TP53BP1: variants seen among roughly 807,000 people sequenced by gnomAD.
TP53BP1 encodes TP53-binding protein 1.
In TP53BP1, 61 loss-of-function variants were observed where a neutral mutation model predicts 200.8. The observed-to-expected ratio is 0.30, with a 90% confidence interval of 0.25 to 0.38. The LOEUF (loss-of-function observed/expected upper bound fraction) is 0.38. Among genes scored for constraint, TP53BP1 ranks in the 10% least tolerant of loss-of-function variants. TP53BP1 has a pLI of 1.00. For synonymous variants in TP53BP1, 822 were observed against 844.3 expected, an observed-to-expected ratio of 0.97 and a Z score of 0.46; for missense variants, 2,144 against 2,371.9, an observed-to-expected ratio of 0.90 and a Z score of 2.00.
chr15:43,443,401 A>G (rs1003116291), intron 14 of TP53BP1, among the ~76,000 whole-genome samples: 2 of 152,144 alleles, frequency 1.3e-5, no homozygotes, highest in African/African-American at 4.8e-5. Flanking sequence ...CACTTCAAAA[A>G]CAAAGGGTGG....
intron 8 of TP53BP1, among the ~76,000 whole-genome samples, chr15:43,476,462 A>G (rs779271799): frequency 6.6e-6 from 1 of 152,202 alleles, no homozygotes; most frequent in Non-Finnish European, 1.5e-5. Context: ...GATGTTATAA[A>G]TGCAGCAGTT....
At chr15:43,427,957 CAAAAAA>C (rs35437737) in intron 18 of TP53BP1, 53 bp downstream of exon 18, 26 of 1,000,402 alleles carry the variant, frequency 2.6e-5, no homozygotes, top group South Asian at 6.3e-5. Context: ...ACCCTGTCTC[CAAAAAA>C]AAAAAAAAAA....
intron 18 of TP53BP1, among the ~76,000 whole-genome samples, chr15:43,424,891 A>T (rs1386582122): frequency 6.6e-6 from 1 of 152,240 alleles, no homozygotes; most frequent in Non-Finnish European, 1.5e-5. Context: ...TGATTGAGTC[A>T]TAAGGGCTCT....
upstream of TP53BP1, among the ~76,000 whole-genome samples, chr15:43,494,554 G>A (rs1395316293): frequency 6.6e-6 from 1 of 152,200 alleles, no homozygotes; most frequent in Non-Finnish European, 1.5e-5. Context: ...GGACCACACA[G>A]AGATGCATCT....
intron 1 of TP53BP1, 117 bp downstream of exon 1, chr15:43,492,920 C>G (rs1445904901): frequency 7.5e-7 from 1 of 1,336,248 alleles, no homozygotes; most frequent in Non-Finnish European, 1.0e-6. Flanking sequence ...CCCTCCAACC[C>G]CTTCCCCGTC....
At chr15:43,428,620 T>C (rs2045603534) in intron 17 of TP53BP1, among the ~76,000 whole-genome samples, 2 of 152,224 alleles carry the variant, frequency 1.3e-5, no homozygotes, top group Non-Finnish European at 1.5e-5. Flanking sequence ...TTAATCTCAG[T>C]TTATCTGTTT....
In TP53BP1 at chr15:43,446,643, C is replaced by T. The variant is rs1345430592; in HGVS notation, c.2837-53G>A. The T allele has an allele frequency of 2.5e-6, 4 of 1,586,106 alleles. No homozygotes were observed. In the Admixed American group the frequency reaches 5.2e-5, roughly 21 times the overall value. Reference sequence around the variant, plus strand: ...AAAAAAGAACACTAAAATACAAACACAAAAAACAGCAATTCAAGGTCATCA... The same window carrying T: ...AAAAAAGAACACTAAAATACAAACATAAAAAACAGCAATTCAAGGTCATCA... On this transcript the variant is annotated intron_variant, in intron 13 of 27. Transcript: ENST00000382044.
At chr15:43,422,796 C>A (rs914015102) in intron 18 of TP53BP1, among the ~76,000 whole-genome samples, 2 of 151,978 alleles carry the variant, frequency 1.3e-5, no homozygotes, top group African/African-American at 4.8e-5. Context: ...GAGCTTGAGA[C>A]CACCTTAGGC....
At chr15:43,450,037 T>G (rs924188996) in intron 12 of TP53BP1, among the ~76,000 whole-genome samples, 1 of 152,232 alleles carries the variant, frequency 6.6e-6, no homozygotes, top group Non-Finnish European at 1.5e-5. Context: ...CTCTAACATT[T>G]AGCAATCCTA....
intron 16 of TP53BP1, among the ~76,000 whole-genome samples, chr15:43,435,199 G>A (rs2045763765): frequency 7.3e-6 from 1 of 136,482 alleles, no homozygotes; most frequent in African/African-American, 2.7e-5. Context: ...GGAGGTGGAG[G>A]TTGCAGTGAG....
chr15:43,510,443 G>A (rs948665003), exon 1 of TP53BP1: 1 of 153,856 alleles, frequency 6.5e-6, no homozygotes, highest in African/African-American at 2.4e-5. Context: ...CCCAGGGCCC[G>A]GGGCAAGGAC....
intron 4 of TP53BP1, among the ~76,000 whole-genome samples, chr15:43,489,970 C>T (rs554048388): frequency 6.6e-5 from 10 of 152,198 alleles, no homozygotes; most frequent in South Asian, 6.2e-4. Flanking sequence ...TGGAGTGCAG[C>T]GGCACAATCA....
chr15:43,502,078 G>T (rs1460469711), intron 1 of TP53BP1, among the ~76,000 whole-genome samples: 2 of 152,078 alleles, frequency 1.3e-5, no homozygotes, highest in Non-Finnish European at 2.9e-5. Context: ...CCAACATTTT[G>T]GGAGGCTGAG....
At chr15:43,439,742 C>T (rs748024249) in intron 15 of TP53BP1, among the ~76,000 whole-genome samples, 5 of 152,050 alleles carry the variant, frequency 3.3e-5, no homozygotes, top group South Asian at 4.2e-4. Context: ...CCATTCCAAC[C>T]CTCTGCTCAA....
intron 12 of TP53BP1, among the ~76,000 whole-genome samples, chr15:43,447,754 C>G (rs1045410393): frequency 2.0e-5 from 3 of 152,060 alleles, no homozygotes; most frequent in Non-Finnish European, 4.4e-5. Context: ...AGCCCGAAGT[C>G]TGCAAGACCT....
In TP53BP1 at chr15:43,406,920, T is replaced by G. The variant is rs2044913986; in HGVS notation, c.*463A>C. ...CAGCTCAGAGAGAGAGCATGAGGTC[T>G]TTTTTAACTGTCAGGAAACAGAGCT... On this transcript the variant is annotated 3_prime_UTR_variant, in exon 28 of 28. Transcript: ENST00000382044. The G allele has an allele frequency of 4.1e-6, 1 of 243,256 alleles. No homozygotes were observed. Among genetic ancestry groups the G allele is most frequent in the Non-Finnish European group, 8.2e-6 (1 of 122,558 alleles). The allele number at this position is 243,256 out of a possible 1,614,324, so 15.1% of individuals were successfully genotyped here.
In TP53BP1 at chr15:43,404,609, T is replaced by G; in HGVS notation, c.*2774A>C. The G allele has an allele frequency of 6.3e-7, 1 of 1,581,072 alleles. No individual in the cohort carries two copies. Among genetic ancestry groups the G allele is most frequent in the Non-Finnish European group, 8.6e-7 (1 of 1,158,662 alleles). On this transcript the variant is annotated 3_prime_UTR_variant, in exon 28 of 28. Transcript: ENST00000382044. Reference sequence around the variant, plus strand: ...TTTTTAAGGTGGCTTTTTAATGAGTTGTAGAATTCTAGAACTGGAAGAAGA... The same window carrying G: ...TTTTTAAGGTGGCTTTTTAATGAGTGGTAGAATTCTAGAACTGGAAGAAGA...
Position 43,506,570 on chromosome 15 carries a change from G to A in TP53BP1, c.-9+3800C>T, listed in dbSNP as rs1401212759. Among the ~76,000 whole-genome samples the A allele has an allele frequency of 3.3e-5, 5 of 152,172 alleles. 1 individual carries two copies. In the South Asian group the frequency reaches 1.0e-3, roughly 32 times the overall value. On this transcript the variant is annotated intron_variant, in intron 1 of 27. Coordinates refer to the TP53BP1 transcript ENST00000263801. ...CCTTAGACACCTTCGACAATTCAAG[G>A]GTCCTTCATCACAGTTCAAAAGCAT...
At chr15:43,415,850 G>A in intron 22 of TP53BP1, 41 bp from the exon 23 acceptor site, 2 of 1,552,740 alleles carry the variant, frequency 1.3e-6, no homozygotes, top group Non-Finnish European at 1.8e-6. Context: ...AAACTCTATG[G>A]TATGAGGCCC....
Sources: gnomAD v4.1 joint callset for allele counts (sites outside exome capture counted in the v4.1 genomes callset) on GRCh38, gnomAD v4.1.1 for gene constraint, MANE v1.5 for transcripts, NCBI Gene and HGNC (gene_info 2026-07-23, HGNC 2026-07-21) for gene names.